The following ZFHX3 variants were observed in gnomAD, a reference collection of about 807,000 sequenced individuals.
ZFHX3 encodes the protein zinc finger homeobox 3, also known as zinc finger homeobox protein 3.
ZFHX3 carries 42 observed loss-of-function variants against 279.1 expected under a neutral mutation model. That is an observed-to-expected ratio of 0.15 (90% confidence interval 0.12 to 0.19). The LOEUF is 0.19. Among genes scored for constraint, ZFHX3 ranks in the 10% least tolerant of loss-of-function variants. The probability of loss-of-function intolerance (pLI) is 1.00; values close to 1 mark genes in which losing one functional copy is unlikely to be tolerated. For missense variants in ZFHX3, 4,981 were observed against 4,754.0 expected, an observed-to-expected ratio of 1.05 and a Z score of -1.40; for synonymous variants, 2,293 against 1,957.8, an observed-to-expected ratio of 1.17 and a Z score of -4.52.
At position 73,822,054 on chromosome 16, in the gene ZFHX3, C is replaced by T. The variant is rs192747858; in HGVS notation, c.-1608+69597G>A. On this transcript the variant is annotated intron_variant, in intron 1 of 17. Transcript: ENST00000641206. ...CCAAAGGACCCCATTCCTGTCCCTT[C>T]CTGCAATCTTCAGTCACATAGAAAG... Among the ~76,000 whole-genome samples the T allele has an allele frequency of 1.8e-4, 28 of 152,338 alleles. No individual in the cohort carries two copies. The East Asian group carries it at 3.3e-3, about 18-fold the overall frequency.
At chr16:73,822,710 G>A (rs1960783082) in intron 1 of ZFHX3, among the ~76,000 whole-genome samples, 1 of 152,172 alleles carries the variant, frequency 6.6e-6, no homozygotes, top group Non-Finnish European at 1.5e-5. Context: ...ATGTTTGGAT[G>A]AAAGTGACAC....
chr16:73,341,655 G>C (rs2016036317), intron 3 of ZFHX3, among the ~76,000 whole-genome samples: 1 of 152,014 alleles, frequency 6.6e-6, no homozygotes. Context: ...ATAGACTAAT[G>C]GTGGAAACAA....
chr16:73,399,175 G>A (rs1235909787), intron 3 of ZFHX3, among the ~76,000 whole-genome samples: 16 of 152,126 alleles, frequency 1.1e-4, no homozygotes, highest in Admixed American at 1.0e-3. Flanking sequence ...ACTGTGCCCG[G>A]CTGGCAGTGG....
chr16:72,981,893 T>TC (rs987528944), intron 1 of ZFHX3, among the ~76,000 whole-genome samples: 22 of 149,276 alleles, frequency 1.5e-4, no homozygotes, highest in African/African-American at 2.2e-4. Flanking sequence ...TTTTTTTTTT[T>TC]TTTTCCTGAG....
chr16:73,124,039 A>AAACC (rs1445149008), intron 7 of ZFHX3, among the ~76,000 whole-genome samples: 2 of 152,286 alleles, frequency 1.3e-5, no homozygotes, highest in African/African-American at 4.8e-5. Context: ...ACAGATGGCA[A>AAACC]AACCAACCAA....
chr16:72,940,370 G>A (rs1960353489), intron 3 of ZFHX3, among the ~76,000 whole-genome samples: 1 of 152,178 alleles, frequency 6.6e-6, no homozygotes, highest in African/African-American at 2.4e-5. Context: ...AGGGAAATCT[G>A]GGAAATCCTG....
intron 3 of ZFHX3, among the ~76,000 whole-genome samples, chr16:73,333,190 T>C (rs1342706575): frequency 2.0e-5 from 3 of 151,988 alleles, no homozygotes; most frequent in Non-Finnish European, 4.4e-5. Context: ...GATAGACACA[T>C]AGATGGATAG....
intron 2 of ZFHX3, among the ~76,000 whole-genome samples, chr16:73,457,897 T>C (rs971422728): frequency 6.6e-6 from 1 of 152,022 alleles, no homozygotes; most frequent in Non-Finnish European, 1.5e-5. Context: ...TTGATTGGAG[T>C]TCCTTTCCAT....
intron 1 of ZFHX3, among the ~76,000 whole-genome samples, chr16:73,686,094 T>TTATG (rs2053080274): frequency 6.6e-6 from 1 of 152,018 alleles, no homozygotes; most frequent in Non-Finnish European, 1.5e-5. Context: ...CATTTCTTAT[T>TTATG]TATTTATTTA....
intron 2 of ZFHX3, among the ~76,000 whole-genome samples, chr16:73,552,049 G>A (rs1171405754): frequency 3.3e-5 from 5 of 151,370 alleles, no homozygotes; most frequent in Admixed American, 2.6e-4. Context: ...GAGAGACAGA[G>A]AGAGAGAGAA....
chr16:73,792,126 C>T (rs16972571), intron 1 of ZFHX3, among the ~76,000 whole-genome samples: 4,232 of 152,248 alleles, frequency 0.028, 189 homozygotes, highest in African/African-American at 0.098. Context: ...ACATATGCTG[C>T]CCACAGATGA....
At chr16:73,361,034 T>C (rs2016425688) in intron 3 of ZFHX3, among the ~76,000 whole-genome samples, 1 of 152,232 alleles carries the variant, frequency 6.6e-6, no homozygotes, top group Non-Finnish European at 1.5e-5. Context: ...GGGGCACTTT[T>C]GGCATTTTGA....
At chr16:73,152,568 T>G (rs1356556703) in intron 5 of ZFHX3, among the ~76,000 whole-genome samples, 1 of 151,922 alleles carries the variant, frequency 6.6e-6, no homozygotes, top group Non-Finnish European at 1.5e-5. Context: ...GCTGGCTCTT[T>G]TCACAAACAC....
chr16:73,498,225 C>G (rs1318704603), intron 2 of ZFHX3, among the ~76,000 whole-genome samples: 1 of 152,190 alleles, frequency 6.6e-6, no homozygotes, highest in African/African-American at 2.4e-5. Context: ...AAGATAGAAA[C>G]TTAAAATATG....
At position 73,728,023 on chromosome 16, in the gene ZFHX3, C is replaced by CCCCT. The variant is rs1555535449; in HGVS notation, c.-1607-47784_-1607-47783insAGGG. On this transcript the variant is annotated intron_variant, in intron 1 of 17. Transcript: ENST00000641206. The stretch of plus-strand genomic sequence containing the variant: ...TTTATGAGCCGAATTGTGCCCCCCC[C>CCCCT]CCGCCCCCAATAATTCATATGTTGA... Among the ~76,000 whole-genome samples the CCCCT allele has an allele frequency of 1.0e-4, 11 of 109,164 alleles. 1 individual carries two copies. The highest frequency in any genetic ancestry group is 3.6e-4 in the East Asian group (1 of 2,812). The allele number at this position is 109,164 out of a possible 152,430, so 71.6% of individuals were successfully genotyped here.
At chr16:73,330,378 T>C (rs984393032) in intron 3 of ZFHX3, among the ~76,000 whole-genome samples, 1 of 152,138 alleles carries the variant, frequency 6.6e-6, no homozygotes, top group African/African-American at 2.4e-5. Context: ...AAAAAGGGGA[T>C]TGATTACACG....
At chr16:72,972,539 C>T (rs147809051) in intron 1 of ZFHX3, among the ~76,000 whole-genome samples, 1,527 of 152,204 alleles carry the variant, frequency 0.01, 21 homozygotes, top group African/African-American at 0.033. Context: ...ACCAACTATG[C>T]GGCACAATAA....
intron 4 of ZFHX3, among the ~76,000 whole-genome samples, chr16:73,282,274 C>A (rs996740811): frequency 4.6e-5 from 7 of 152,146 alleles, no homozygotes; most frequent in African/African-American, 1.7e-4. Flanking sequence ...GGATGGTGAT[C>A]CTTTGCTGGT....
intron 1 of ZFHX3, among the ~76,000 whole-genome samples, chr16:73,685,295 C>T (rs1455876169): frequency 1.3e-5 from 2 of 152,102 alleles, no homozygotes; most frequent in African/African-American, 2.4e-5. Context: ...GGATTACAGG[C>T]GTGAGCCACC....
Sources: gnomAD v4.1 joint callset for allele counts (sites outside exome capture counted in the v4.1 genomes callset) on GRCh38, gnomAD v4.1.1 for gene constraint, MANE v1.5 for transcripts, NCBI Gene and HGNC (gene_info 2026-07-23, HGNC 2026-07-21) for gene names.